RASEF: variants seen among roughly 807,000 people sequenced by gnomAD.
RASEF encodes ras and EF-hand domain-containing protein.
In RASEF, 68 loss-of-function variants were observed where a neutral mutation model predicts 90.1. That is an observed-to-expected ratio of 0.75 (90% CI 0.62 to 0.92). RASEF has a LOEUF of 0.92. RASEF is among the 40% of genes least tolerant of loss of function. The pLI is 0.00. For synonymous variants in RASEF, 331 were observed against 345.2 expected, an observed-to-expected ratio of 0.96 and a Z score of 0.46; for missense variants, 949 against 937.2, an observed-to-expected ratio of 1.01 and a Z score of -0.16.
the RASEF span, among the ~76,000 whole-genome samples, chr9:83,194,645 T>C: frequency 6.6e-6 from 1 of 151,420 alleles, no homozygotes; most frequent in Non-Finnish European, 1.5e-5. Flanking sequence ...AATTCATACA[T>C]AAAATATTTG....
chr9:83,045,262 A>G (rs1339723221), intron 1 of RASEF, among the ~76,000 whole-genome samples: 1 of 152,200 alleles, frequency 6.6e-6, no homozygotes, highest in African/African-American at 2.4e-5. Context: ...GTCTTAAATC[A>G]CTGCACTTTC....
chr9:83,061,365 G>C (rs1009837323), intron 1 of RASEF, among the ~76,000 whole-genome samples: 9 of 152,110 alleles, frequency 5.9e-5, no homozygotes, highest in Non-Finnish European at 2.9e-5. Context: ...AACCTTCCAG[G>C]GATACTTCCT....
chr9:83,012,645 T>C, intron 4 of RASEF, 134 bp from the exon 5 acceptor site: 2 of 448,114 alleles, frequency 4.5e-6, no homozygotes, highest in Non-Finnish European at 7.8e-6. Context: ...ACTTCATAAA[T>C]CATTAAACTA....
the RASEF span, among the ~76,000 whole-genome samples, chr9:83,214,371 C>A: frequency 6.6e-6 from 1 of 152,040 alleles, no homozygotes; most frequent in South Asian, 2.1e-4. Context: ...GGCAACAGAG[C>A]AAGACTCTGT....
At chr9:83,106,583 G>C in the RASEF span, among the ~76,000 whole-genome samples, 3 of 152,018 alleles carry the variant, frequency 2.0e-5, no homozygotes, top group Admixed American at 1.3e-4. Flanking sequence ...CTTGACCCTG[G>C]GCTCTTGACG....
chr9:82,996,639 G>A (rs1173904122), intron 14 of RASEF, among the ~76,000 whole-genome samples: 2 of 152,114 alleles, frequency 1.3e-5, no homozygotes, highest in African/African-American at 4.8e-5. Context: ...TCCCATGCCC[G>A]TGGATGCCCC....
the RASEF span, among the ~76,000 whole-genome samples, chr9:83,130,812 A>G: frequency 1.3e-5 from 2 of 152,332 alleles, no homozygotes; most frequent in South Asian, 4.1e-4. Flanking sequence ...TATAAGTGCT[A>G]CAAAACACTG....
rs564904986 is a variant in RASEF, at chr9:83,005,711, G to C, written c.1029-211C>G. 9.8e-5 allele frequency among the ~76,000 whole-genome samples: 15 copies of C among 152,322 alleles called. No individual in the cohort carries two copies. The South Asian group carries it at 3.1e-3, about 32-fold the overall frequency. On this transcript the variant is annotated intron_variant, in intron 7 of 16. Coordinates refer to ENST00000376447, the MANE Select transcript of RASEF (RefSeq NM_152573.4). ...AATTGATTACTCCTCTCTCTTTAAA[G>C]GTCTCAGGGCCTTGCAGGAATCAAC... is the stretch of plus-strand genomic sequence containing the variant.
At chr9:83,021,627 T>G (rs1270448379) in intron 3 of RASEF, among the ~76,000 whole-genome samples, 2 of 152,182 alleles carry the variant, frequency 1.3e-5, no homozygotes, top group Non-Finnish European at 2.9e-5. Context: ...CCGAAAATAT[T>G]TTAAGCAGTA....
chr9:83,162,228 G>T, the RASEF span, among the ~76,000 whole-genome samples: 1 of 151,972 alleles, frequency 6.6e-6, no homozygotes, highest in Non-Finnish European at 1.5e-5. Flanking sequence ...ATTTACAAAG[G>T]AAAATCAATT....
chr9:83,177,342 C>A, the RASEF span, among the ~76,000 whole-genome samples: 1 of 152,092 alleles, frequency 6.6e-6, no homozygotes, highest in Non-Finnish European at 1.5e-5. Context: ...GAGTCACTTA[C>A]CCGAAGAATT....
At chr9:83,172,577 A>G in the RASEF span, among the ~76,000 whole-genome samples, 1 of 151,842 alleles carries the variant, frequency 6.6e-6, no homozygotes, top group African/African-American at 2.4e-5. Flanking sequence ...TTATAAAAAC[A>G]CATTATAGCT....
Position 83,062,496 on chromosome 9 carries a change from G to A in RASEF, c.372C>T (p.Pro124=), listed in dbSNP as rs771437273. The change falls in exon 1 of 17, where the codon CCC becomes CCT. Residue 124 remains proline, a synonymous_variant. Transcript: ENST00000376447. The part of the protein sequence containing the change: ...ALATSCGPAS[P]GRAWQDFQAR... ...CCTGGAAATCCTGCCAAGCCCGGCC[G>A]GGACTCGCCGGGCCGCACGAGGTGG... 1.7e-5 allele frequency: 27 copies of A among 1,611,554 alleles called. No individual in the cohort carries two copies. The East Asian group carries it at 6.0e-4, about 36-fold the overall frequency.
intron 9 of RASEF, among the ~76,000 whole-genome samples, chr9:83,002,450 CGT>C (rs565900758): frequency 6.0e-4 from 90 of 151,012 alleles, no homozygotes; most frequent in Non-Finnish European, 1.0e-3. Context: ...TGCATGTGTG[CGT>C]GTGTGTGTTA....
At chr9:82,990,922 T>C (rs963063576) in intron 15 of RASEF, among the ~76,000 whole-genome samples, 6 of 152,200 alleles carry the variant, frequency 3.9e-5, no homozygotes, top group African/African-American at 1.4e-4. Flanking sequence ...CTGAAACCAA[T>C]GGACACGTTC....
chr9:83,190,726 T>C, the RASEF span, among the ~76,000 whole-genome samples: 3 of 152,216 alleles, frequency 2.0e-5, no homozygotes, highest in Admixed American at 6.5e-5. Context: ...TATACATAAT[T>C]GCCGATGATG....
At chr9:83,031,086 G>C (rs1229605008) in intron 1 of RASEF, among the ~76,000 whole-genome samples, 1 of 152,124 alleles carries the variant, frequency 6.6e-6, no homozygotes, top group Non-Finnish European at 1.5e-5. Flanking sequence ...TGTCAGATAC[G>C]TAAGAAAAAA....
chr9:83,014,427 A>G (rs1829305239), intron 4 of RASEF, among the ~76,000 whole-genome samples: 1 of 152,094 alleles, frequency 6.6e-6, no homozygotes. Flanking sequence ...CAGCCTCCTG[A>G]GTCACTGGGA....
At chr9:83,123,773 G>A in the RASEF span, among the ~76,000 whole-genome samples, 9 of 152,212 alleles carry the variant, frequency 5.9e-5, no homozygotes, top group African/African-American at 2.2e-4. Flanking sequence ...GTAACAGCAA[G>A]AACAGAGTCC....
Sources: gnomAD v4.1 joint callset for allele counts (sites outside exome capture counted in the v4.1 genomes callset) on GRCh38, gnomAD v4.1.1 for gene constraint, MANE v1.5 for transcripts, NCBI Gene and HGNC (gene_info 2026-07-23, HGNC 2026-07-21) for gene names.